The following TBC1D8 variants were observed in gnomAD, a reference collection of about 807,000 sequenced individuals.
The protein encoded by TBC1D8 is TBC1 domain family member 8.
TBC1D8 carries 65 observed loss-of-function variants against 118.8 expected under a neutral mutation model. The observed-to-expected ratio is 0.55, with a 90% CI of 0.45 to 0.67. TBC1D8 has a LOEUF of 0.67. TBC1D8 is among the 30% of genes least tolerant of loss of function. TBC1D8 has a pLI of 0.00. For synonymous variants in TBC1D8, 566 were observed against 595.8 expected (o/e 0.95, Z 0.73); for missense variants, 1,376 against 1,471.2 (o/e 0.94, Z 1.06).
At chr2:101,050,263 C>T (rs1045418857) in intron 5 of TBC1D8, 138 bp downstream of exon 5, 6 of 1,319,810 alleles carry the variant, frequency 4.5e-6, no homozygotes, top group Non-Finnish European at 6.1e-6. Context: ...TAACGACATA[C>T]AAAAATCTGG....
chr2:101,116,396 G>T (rs530812917), intron 1 of TBC1D8, among the ~76,000 whole-genome samples: 1 of 152,172 alleles, frequency 6.6e-6, no homozygotes, highest in African/African-American at 2.4e-5. Flanking sequence ...CCTCTCTCAG[G>T]CTCAGCTTCC....
At chr2:101,121,428 C>G (rs1678104353) in intron 1 of TBC1D8, among the ~76,000 whole-genome samples, 1 of 152,342 alleles carries the variant, frequency 6.6e-6, no homozygotes, top group Non-Finnish European at 1.5e-5. Context: ...TCTGTAGCTG[C>G]TACAAGGTCA....
At chr2:101,072,655 T>A (rs968525788) in intron 2 of TBC1D8, among the ~76,000 whole-genome samples, 1 of 152,164 alleles carries the variant, frequency 6.6e-6, no homozygotes, top group East Asian at 1.9e-4. Context: ...ATGCCTCGCA[T>A]GCACAGTTCA....
chr2:101,039,071 G>T (rs1235350974), intron 6 of TBC1D8, among the ~76,000 whole-genome samples: 1 of 152,190 alleles, frequency 6.6e-6, no homozygotes, highest in East Asian at 1.9e-4. Context: ...CTGGGGGAAG[G>T]GGAAGAGGGA....
Position 101,040,292 on chromosome 2 carries a change from G to C in TBC1D8, c.966C>G (p.Leu322=), listed in dbSNP as rs192268321. The C allele has an allele frequency of 2.3e-4, 376 of 1,614,006 alleles. No individual in the cohort carries two copies. In the African/African-American group the frequency reaches 4.1e-3, roughly 17 times the overall value. ...EKLHAVVDCS[L]WTPFSRCHTT... is the part of the protein sequence containing the mutation. ...TGTGACAGCGACTGAACGGCGTCCA[G>C]AGCGAACAGTCCACAACCGCGTGCA... The change falls in exon 6 of 20, where the codon CTC becomes CTG. Residue 322 remains leucine, a synonymous_variant. Coordinates refer to ENST00000409318, the MANE Select transcript of TBC1D8 (RefSeq NM_001330348.2).
Position 101,090,961 on chromosome 2 carries a change from TG to T in TBC1D8, c.128-598del, listed in dbSNP as rs374068743. 4.4e-4 allele frequency among the ~76,000 whole-genome samples: 67 copies of T among 152,344 alleles called. 1 individual carries two copies. The East Asian group carries it at 0.012, about 27-fold the overall frequency. On this transcript the variant is annotated intron_variant, in intron 1 of 19. Transcript: ENST00000409318. ...CTCTCCAATATGGTAGAATAATCCCTGCCTGCTCCAGGGTACTGTGAGATGT... is the reference window on the plus strand; with the variant it reads ...CTCTCCAATATGGTAGAATAATCCCTCCTGCTCCAGGGTACTGTGAGATGT...
intron 1 of TBC1D8, among the ~76,000 whole-genome samples, chr2:101,102,458 TAAAAAA>T (rs746167116): frequency 1.5e-5 from 2 of 131,692 alleles, no homozygotes; most frequent in Non-Finnish European, 3.3e-5. Context: ...CATAAAAAGT[TAAAAAA>T]AAAAAAAATC....
chr2:101,023,113 C>A (rs370321404), intron 15 of TBC1D8, among the ~76,000 whole-genome samples: 2 of 149,690 alleles, frequency 1.3e-5, no homozygotes, highest in African/African-American at 4.9e-5. Context: ...CCACTGCACT[C>A]CAGCCTGGGC....
At chr2:101,087,046 A>C (rs1473449542) in intron 2 of TBC1D8, among the ~76,000 whole-genome samples, 2 of 152,148 alleles carry the variant, frequency 1.3e-5, no homozygotes, top group Non-Finnish European at 1.5e-5. Flanking sequence ...AGCCTCCCAA[A>C]GTGCTGGGAT....
intron 3 of TBC1D8, among the ~76,000 whole-genome samples, chr2:101,058,434 A>G (rs185270552): frequency 1.2e-4 from 19 of 152,350 alleles, no homozygotes; most frequent in Admixed American, 1.1e-3. Context: ...ACCCTAAGGA[A>G]GGAAAACTGT....
intron 2 of TBC1D8, among the ~76,000 whole-genome samples, chr2:101,088,373 C>T (rs1280349894): frequency 6.6e-6 from 1 of 152,080 alleles, no homozygotes; most frequent in East Asian, 1.9e-4. Context: ...CGGCTCACTA[C>T]AACCTCCTCC....
chr2:101,028,564 T>G, intron 12 of TBC1D8, 132 bp from the exon 13 acceptor site: 2 of 1,319,108 alleles, frequency 1.5e-6, no homozygotes. Flanking sequence ...AGGCTGCAGC[T>G]GCTCGGCTTA....
chr2:101,017,524 C>T (rs185712171), intron 17 of TBC1D8, among the ~76,000 whole-genome samples: 51 of 152,284 alleles, frequency 3.3e-4, no homozygotes, highest in African/African-American at 1.2e-3. Context: ...CCTATGGGAC[C>T]ACCATCATAC....
At position 101,096,438 on chromosome 2, in the gene TBC1D8, A is replaced by AC. The variant is rs1446345816; in HGVS notation, c.128-6075_128-6074insG. Among the ~76,000 whole-genome samples, 283 of 149,738 alleles carry AC rather than the reference A, an allele frequency of 1.9e-3. 2 individuals are homozygous for AC. Among genetic ancestry groups the AC allele is most frequent in the African/African-American group, 6.5e-3 (264 of 40,486 alleles). On this transcript the variant is annotated intron_variant, in intron 1 of 19. Coordinates refer to ENST00000409318, the MANE Select transcript of TBC1D8 (RefSeq NM_001330348.2). ...TTTTGACAAAAAAAAAAAAAAAAAA[A>AC]AAAAAAAAACTATAATGCACGCTAC...
At chr2:101,073,271 TTTTTA>T (rs1235843555) in intron 2 of TBC1D8, among the ~76,000 whole-genome samples, 12 of 150,378 alleles carry the variant, frequency 8.0e-5, no homozygotes, top group African/African-American at 2.2e-4. Context: ...TTTTTTTTAT[TTTTTA>T]TTTTATTTTA....
chr2:101,034,905 G>A (rs1209148079), intron 9 of TBC1D8, among the ~76,000 whole-genome samples: 1 of 152,212 alleles, frequency 6.6e-6, no homozygotes, highest in Non-Finnish European at 1.5e-5. Context: ...GGAAGGAGAT[G>A]AGGGGCGCAG....
intron 5 of TBC1D8, among the ~76,000 whole-genome samples, chr2:101,049,309 GCAAA>G (rs927425878): frequency 6.6e-6 from 1 of 152,160 alleles, no homozygotes; most frequent in Non-Finnish European, 1.5e-5. Context: ...TCAATTTGTG[GCAAA>G]CAAACCACGT....
rs774343957 is a variant in TBC1D8 at position 101,054,252 on chromosome 2, C to T, written c.487G>A (p.Glu163Lys). The change falls in exon 4 of 20, where the codon GAG (glutamate) becomes AAG (lysine). Residue 163 changes from glutamate to lysine, a missense_variant. By Grantham distance (56) the Glu-to-Lys change is moderately conservative. Transcript: ENST00000409318. ...GCCTCGGGGAAGTTGAACCTGGCCT[C>T]GAACTTCACCAGGGCTTCTCGGAAT... The part of the protein sequence containing the change: ...EKFREALVKF[E>K]ARFNFPEAEK... 13 of 1,603,448 alleles carry T rather than the reference C, an allele frequency of 8.1e-6. No homozygotes were observed. Among genetic ancestry groups the T allele is most frequent in the African/African-American group, 4.0e-5 (3 of 74,722 alleles).
chr2:101,023,903 T>A (rs1680188927), intron 15 of TBC1D8: 1 of 164,710 alleles, frequency 6.1e-6, no homozygotes, highest in Non-Finnish European at 1.4e-5. Context: ...GAGACCAAAA[T>A]GCCATTTATA....
Sources: gnomAD v4.1 joint callset for allele counts (sites outside exome capture counted in the v4.1 genomes callset) on GRCh38, gnomAD v4.1.1 for gene constraint, MANE v1.5 for transcripts, NCBI Gene and HGNC (gene_info 2026-07-23, HGNC 2026-07-21) for gene names.